Variants in STAB2 observed in about 807,000 individuals in gnomAD.
STAB2 encodes stabilin-2.
Under a neutral mutation model 338.1 loss-of-function variants are expected in STAB2, and 288 were observed. That is an observed-to-expected ratio of 0.85 (90% CI 0.77 to 0.94). STAB2 has a LOEUF of 0.94. Ranked by LOEUF, STAB2 falls within the 40% of genes least tolerant of loss-of-function variation. The pLI, the probability that STAB2 is intolerant of heterozygous loss-of-function variation, is 0.00. For missense variants in STAB2, 3,141 were observed against 3,210.1 expected (o/e 0.98, Z 0.52); for synonymous variants, 1,202 against 1,193.3 (o/e 1.01, Z -0.15).
At chr12:103,696,875 C>A (rs534823554) in intron 33 of STAB2, among the ~76,000 whole-genome samples, 2 of 152,218 alleles carry the variant, frequency 1.3e-5, no homozygotes, top group East Asian at 3.9e-4. Context: ...AAACACACAG[C>A]AGCTCTGCTA....
chr12:103,759,676 T>C (rs546654188), intron 65 of STAB2, among the ~76,000 whole-genome samples: 72 of 152,268 alleles, frequency 4.7e-4, no homozygotes, highest in Non-Finnish European at 8.4e-4. Context: ...AATTTCCCCA[T>C]CTGAAAAATC....
intron 23 of STAB2, 130 bp from the exon 24 acceptor site, chr12:103,675,798 C>A: frequency 1.6e-6 from 1 of 637,838 alleles, no homozygotes; most frequent in South Asian, 2.2e-5. Flanking sequence ...CACATTTGAG[C>A]GCTGGCTTCC....
Position 103,624,935 on chromosome 12 carries a change from C to T in STAB2, c.487+2824C>T, listed in dbSNP as rs1458469937. On this transcript the variant is annotated intron_variant, in intron 5 of 68. Coordinates refer to ENST00000388887, the MANE Select transcript of STAB2 (RefSeq NM_017564.10). ...CAGCCTGGGTGACAGAGCAAGACTC[C>T]ATCTCAAAAAAAAAAAAAAAAAAAA... Among the ~76,000 whole-genome samples the T allele has an allele frequency of 6.7e-5, 4 of 60,116 alleles. No individual in the cohort carries two copies. The South Asian group carries it at 2.2e-3, about 33-fold the overall frequency. The allele number at this position is 60,116 out of a possible 152,430, so 39.4% of individuals were successfully genotyped here. A position where few individuals can be genotyped will look rare whatever the true frequency, so the allele number is the denominator to read the frequency against.
intron 9 of STAB2, among the ~76,000 whole-genome samples, chr12:103,647,694 G>A (rs1873438730): frequency 1.3e-5 from 2 of 152,146 alleles, no homozygotes; most frequent in Non-Finnish European, 2.9e-5. Context: ...GTCAAGATTG[G>A]CATATTAACC....
intron 44 of STAB2, among the ~76,000 whole-genome samples, chr12:103,721,226 G>A (rs1049371953): frequency 3.9e-5 from 6 of 152,192 alleles, no homozygotes; most frequent in Admixed American, 2.6e-4. Context: ...GGGAAGGGTC[G>A]TAGTGATCAG....
At chr12:103,712,839 G>A (rs964297490) in intron 41 of STAB2, among the ~76,000 whole-genome samples, 6 of 152,132 alleles carry the variant, frequency 3.9e-5, no homozygotes, top group Non-Finnish European at 8.8e-5. Flanking sequence ...CTGGAGCATC[G>A]AGGGTCTGGA....
At chr12:103,747,112 G>A (rs147109591) in intron 58 of STAB2, among the ~76,000 whole-genome samples, 8 of 151,680 alleles carry the variant, frequency 5.3e-5, no homozygotes, top group African/African-American at 7.2e-5. Context: ...ATGCGCCACC[G>A]CACCTGGCTA....
chr12:103,685,255 G>T (rs1356206039), intron 27 of STAB2, among the ~76,000 whole-genome samples, 171 bp downstream of exon 27: 1 of 152,148 alleles, frequency 6.6e-6, no homozygotes, highest in Non-Finnish European at 1.5e-5. Flanking sequence ...GTTTTCTACA[G>T]GCTGAAGGCA....
intron 64 of STAB2, among the ~76,000 whole-genome samples, chr12:103,758,899 A>C (rs1281412144): frequency 6.6e-6 from 1 of 152,182 alleles, no homozygotes; most frequent in Admixed American, 6.5e-5. Flanking sequence ...ACCGCTGGAA[A>C]GCTCTGCTCT....
rs1412059150 is a variant in STAB2 at position 103,650,584 on chromosome 12, T to A, written c.1257+6T>A. 1.9e-6 allele frequency: 3 copies of A among 1,611,698 alleles called. No individual in the cohort carries two copies. Among genetic ancestry groups the A allele is most frequent in the Non-Finnish European group, 2.5e-6 (3 of 1,178,138 alleles). Reference sequence around the variant, plus strand: ...AGGGACTGAAAGGATTCAATGTGAGTATTTAAAATGACCCTACACCAAGGG... The same window carrying A: ...AGGGACTGAAAGGATTCAATGTGAGAATTTAAAATGACCCTACACCAAGGG... On this transcript the variant is annotated splice_donor_region_variant and intron_variant, in intron 11 of 68. Transcript: ENST00000388887.
intron 1 of STAB2, among the ~76,000 whole-genome samples, chr12:103,590,550 A>G (rs1258436828): frequency 6.6e-6 from 1 of 152,154 alleles, no homozygotes; most frequent in Non-Finnish European, 1.5e-5. Flanking sequence ...TTCACTTGAG[A>G]GTGTATTCTG....
intron 33 of STAB2, among the ~76,000 whole-genome samples, chr12:103,698,025 C>T (rs886863157): frequency 2.0e-5 from 3 of 152,082 alleles, no homozygotes; most frequent in Non-Finnish European, 2.9e-5. Context: ...CTGCGAGTGA[C>T]GGGAAACTGC....
chr12:103,704,534 T>G (rs374889543), intron 35 of STAB2, 24 bp from the exon 36 acceptor site: 4 of 1,609,388 alleles, frequency 2.5e-6, no homozygotes, highest in Non-Finnish European at 3.4e-6. Flanking sequence ...TTAATTACAT[T>G]GATTGCTTTT....
rs1406075300 is a variant in STAB2 at position 103,655,339 on chromosome 12, T to C, written c.1608+32T>C. 5 of 1,607,302 alleles carry C rather than the reference T, an allele frequency of 3.1e-6. No homozygotes were observed. The East Asian group carries it at 1.1e-4, about 36-fold the overall frequency. ...ACTTTTCATAATTTTCTGAAAAATA[T>C]TTATGTCAAGACTTTTGTAAAATTA... On this transcript the variant is annotated intron_variant, in intron 14 of 68. Coordinates refer to ENST00000388887, the MANE Select transcript of STAB2 (RefSeq NM_017564.10).
At chr12:103,612,323 A>G (rs893789607) in intron 3 of STAB2, among the ~76,000 whole-genome samples, 1 of 152,212 alleles carries the variant, frequency 6.6e-6, no homozygotes, top group Non-Finnish European at 1.5e-5. Flanking sequence ...CAGGTACACC[A>G]ATCAGACGTA....
At position 103,708,439 on chromosome 12, in the gene STAB2, A is replaced by C. The variant is rs1439244521; in HGVS notation, c.4193-2A>C. On this transcript the variant is annotated splice_acceptor_variant, in intron 38 of 68. Coordinates refer to ENST00000388887, the MANE Select transcript of STAB2 (RefSeq NM_017564.10). LOFTEE classifies it high-confidence loss of function. The stretch of plus-strand genomic sequence containing the variant: ...CGATTTGCAGGTGATTTTCCCACTT[A>C]GCATGTTCTTGTGTCCATGGGAGAT... 1 of 1,613,974 alleles carries C rather than the reference A, an allele frequency of 6.2e-7. No homozygotes were observed. Among genetic ancestry groups the C allele is most frequent in the Non-Finnish European group, 8.5e-7 (1 of 1,179,888 alleles).
At chr12:103,596,893 CA>C (rs1408049758) in intron 3 of STAB2, among the ~76,000 whole-genome samples, 2 of 128,302 alleles carry the variant, frequency 1.6e-5, no homozygotes, top group African/African-American at 6.1e-5. Context: ...GCAGAGGTTG[CA>C]ATGAGCCAAG....
At chr12:103,732,948 C>T (rs1383847052) in intron 50 of STAB2, 58 bp from the exon 51 acceptor site, 1 of 1,578,006 alleles carries the variant, frequency 6.3e-7, no homozygotes, top group Non-Finnish European at 8.6e-7. Context: ...GACAGAACCC[C>T]TGCCCACATG....
At chr12:103,734,598 A>G (rs1313688654) in intron 51 of STAB2, among the ~76,000 whole-genome samples, 1 of 152,224 alleles carries the variant, frequency 6.6e-6, no homozygotes, top group Non-Finnish European at 1.5e-5. Flanking sequence ...TCCAGGACTC[A>G]TGTTTCTCTC....
Sources: allele counts gnomAD v4.1 joint callset (sites outside exome capture counted in the v4.1 genomes callset), GRCh38; gene constraint gnomAD v4.1.1; transcripts MANE v1.5; gene names NCBI Gene and HGNC (gene_info 2026-07-23, HGNC 2026-07-21).